Variants in RTL4 observed in about 807,000 individuals in gnomAD.
RTL4 encodes retrotransposon Gag like 4.
In RTL4, 4 loss-of-function variants were observed where a neutral mutation model predicts 5.3. That is an observed-to-expected ratio of 0.75 (90% CI 0.37 to 1.72). The LOEUF is 1.72. Ranked by LOEUF, RTL4 falls within the 40% of genes most tolerant of loss-of-function variation. The pLI is 0.04. For synonymous variants in RTL4, 98 were observed against 87.3 expected (o/e 1.12, Z -0.68); for missense variants, 260 against 227.1 (o/e 1.14, Z -0.93).
At chrX:112,402,402 G>T in the RTL4 span, among the ~76,000 whole-genome samples, 4 of 41,673 alleles carry the variant, frequency 9.6e-5, no homozygotes, top group South Asian at 9.8e-4. Flanking sequence ...AATTATTATT[G>T]TGTGTGTGTG....
chrX:112,353,037 C>T, the RTL4 span, among the ~76,000 whole-genome samples: 2 of 111,893 alleles, frequency 1.8e-5, no homozygotes, highest in Non-Finnish European at 3.8e-5. Context: ...TGAACAGACG[C>T]TTCTCAAAAG....
At chrX:112,403,953 T>C in the RTL4 span, among the ~76,000 whole-genome samples, 13 of 112,360 alleles carry the variant, frequency 1.2e-4, no homozygotes, top group Non-Finnish European at 2.4e-4. Context: ...TTTTAACTTT[T>C]CTGAATGAAT....
At chrX:112,288,543 G>A in the RTL4 span, among the ~76,000 whole-genome samples, 3 of 112,105 alleles carry the variant, frequency 2.7e-5, no homozygotes, top group African/African-American at 9.7e-5. Context: ...AAAAGAATGG[G>A]ATGCTGTTTT....
At chrX:112,326,396 G>A in the RTL4 span, among the ~76,000 whole-genome samples, 11 of 111,467 alleles carry the variant, frequency 9.9e-5, no homozygotes, top group South Asian at 1.2e-3. Flanking sequence ...AGTGACAGAC[G>A]GCAACTGGAA....
At chrX:112,162,843 G>T in the RTL4 span, among the ~76,000 whole-genome samples, 1 of 111,101 alleles carries the variant, frequency 9.0e-6, no homozygotes, top group Admixed American at 9.6e-5. Flanking sequence ...ATCCTAAGGC[G>T]GGTAGTCTTG....
chrX:112,327,522 A>C, the RTL4 span, among the ~76,000 whole-genome samples: 1 of 109,670 alleles, frequency 9.1e-6, no homozygotes, highest in Non-Finnish European at 1.9e-5. Flanking sequence ...GACCAAATCT[A>C]TGTCTGATTG....
chrX:112,322,497 G>A, the RTL4 span, among the ~76,000 whole-genome samples: 37 of 110,835 alleles, frequency 3.3e-4, no homozygotes, highest in East Asian at 8.4e-4. Context: ...GCACATTCAC[G>A]TACACTGTCT....
the RTL4 span, among the ~76,000 whole-genome samples, chrX:112,210,904 A>G: frequency 7.1e-5 from 8 of 112,559 alleles, no homozygotes; most frequent in Non-Finnish European, 1.1e-4. Flanking sequence ...TGTCTCCACT[A>G]TAACATAAGA....
the RTL4 span, among the ~76,000 whole-genome samples, chrX:112,214,078 C>G: frequency 1.8e-5 from 2 of 111,162 alleles, no homozygotes; most frequent in Non-Finnish European, 3.8e-5. Flanking sequence ...GTATAAAATA[C>G]AGTATTGTTA....
the RTL4 span, among the ~76,000 whole-genome samples, chrX:112,094,321 A>G: frequency 9.0e-6 from 1 of 111,141 alleles, no homozygotes; most frequent in Non-Finnish European, 1.9e-5. Context: ...AAGTAGGTAA[A>G]TAGTGATACC....
the RTL4 span, among the ~76,000 whole-genome samples, chrX:112,360,503 T>C: frequency 2.7e-5 from 3 of 111,377 alleles, no homozygotes; most frequent in South Asian, 7.4e-4. Flanking sequence ...CAGATCACAA[T>C]AGTCCTAAGA....
At chrX:112,124,092 A>T in the RTL4 span, among the ~76,000 whole-genome samples, 2 of 112,416 alleles carry the variant, frequency 1.8e-5, no homozygotes, top group African/African-American at 6.5e-5. Context: ...ACCATTAGAG[A>T]TATGGAAATC....
At chrX:112,394,640 A>C in the RTL4 span, among the ~76,000 whole-genome samples, 3 of 112,166 alleles carry the variant, frequency 2.7e-5, no homozygotes, top group East Asian at 2.8e-4. Flanking sequence ...TTAGCTATGG[A>C]ATAACAAGAG....
the RTL4 span, among the ~76,000 whole-genome samples, chrX:112,085,868 C>T: frequency 6.3e-5 from 7 of 111,935 alleles, no homozygotes; most frequent in East Asian, 2.0e-3. Flanking sequence ...AAGGAACCCT[C>T]ACAAATTAGC....
the RTL4 span, among the ~76,000 whole-genome samples, chrX:112,293,658 C>G: frequency 8.9e-6 from 1 of 111,762 alleles, no homozygotes; most frequent in African/African-American, 3.3e-5. Context: ...TAAGAGAAAT[C>G]AAATTAATTA....
At chrX:112,288,102 G>A in the RTL4 span, among the ~76,000 whole-genome samples, 2 of 112,096 alleles carry the variant, frequency 1.8e-5, no homozygotes, top group South Asian at 3.7e-4. Flanking sequence ...TGTAGTTGAC[G>A]AGTCTTAAGG....
At chrX:112,347,998 T>A in the RTL4 span, among the ~76,000 whole-genome samples, 1 of 111,817 alleles carries the variant, frequency 8.9e-6, no homozygotes, top group East Asian at 2.8e-4. Context: ...CTAAGTCATA[T>A]ATTTTATGTA....
chrX:112,299,572 A>G, the RTL4 span, among the ~76,000 whole-genome samples: 1 of 112,089 alleles, frequency 8.9e-6, no homozygotes, highest in East Asian at 2.8e-4. Flanking sequence ...TGAGGGCTTC[A>G]GAGAACACAG....
the RTL4 span, among the ~76,000 whole-genome samples, chrX:112,321,490 C>A: frequency 9.9e-6 from 1 of 100,869 alleles, no homozygotes; most frequent in Non-Finnish European, 2.0e-5. Flanking sequence ...GAGCCGAGAT[C>A]ATGCCCCTGC....
Sources: gnomAD v4.1 joint callset for allele counts (sites outside exome capture counted in the v4.1 genomes callset) on GRCh38, gnomAD v4.1.1 for gene constraint, MANE v1.5 for transcripts, NCBI Gene and HGNC (gene_info 2026-07-23, HGNC 2026-07-21) for gene names.